Variants in CST8 observed in about 807,000 individuals in gnomAD.
CST8 encodes the protein cystatin-8.
In CST8, 20 loss-of-function variants were observed where a neutral mutation model predicts 11.8. The observed-to-expected ratio is 1.70, with a 90% CI of 1.20 to 2.47. CST8 has a LOEUF of 2.47. Ranked by LOEUF, CST8 falls within the 30% of genes most tolerant of loss-of-function variation. The probability of loss-of-function intolerance (pLI) is 0.00; values close to 1 mark genes in which losing one functional copy is unlikely to be tolerated. For synonymous variants in CST8, 77 were observed against 63.1 expected (o/e 1.22, Z -1.05); for missense variants, 196 against 167.2 (o/e 1.17, Z -0.95).
chr20:23,503,882 C>A, the CST8 span, among the ~76,000 whole-genome samples: 1 of 152,100 alleles, frequency 6.6e-6, no homozygotes, highest in South Asian at 2.1e-4. Flanking sequence ...TCATGGCGGG[C>A]GGGTCAAGGA....
chr20:23,492,047 A>G, intron 2 of CST8, 149 bp downstream of exon 2: 1 of 644,268 alleles, frequency 1.6e-6, no homozygotes, highest in Admixed American at 2.7e-5. Flanking sequence ...CACAGCATCA[A>G]TAAGGCAGTG....
the CST8 span, among the ~76,000 whole-genome samples, chr20:23,501,490 C>G: frequency 1.1e-4 from 17 of 152,248 alleles, no homozygotes; most frequent in African/African-American, 3.9e-4. Context: ...GGCACGCCTC[C>G]TCAGACACCT....
rs1366569151 is a variant in CST8 at position 23,495,969 on chromosome 20, A to C, written c.*55A>C. The C allele has an allele frequency of 5.1e-6, 7 of 1,363,566 alleles. No homozygotes were observed. The East Asian group carries it at 1.6e-4, about 32-fold the overall frequency. 84.5% of individuals were successfully genotyped at this position (1,363,566 alleles called of 1,614,324 possible). A position where few individuals can be genotyped will look rare whatever the true frequency, so the allele number is the denominator to read the frequency against. On this transcript the variant is annotated 3_prime_UTR_variant, in exon 4 of 4. Transcript: ENST00000246012. The stretch of plus-strand genomic sequence containing the variant: ...GTGACTACTTTATCCATGAAAATGA[A>C]GCAATGGCAGGTGGGAGGCTCTTCC...
chr20:23,491,735 A>G lies in CST8; in HGVS notation c.68A>G (p.Asp23Gly). 1 of 1,614,026 alleles carries G rather than the reference A, an allele frequency of 6.2e-7. No individual in the cohort carries two copies. The highest frequency in any genetic ancestry group is 1.1e-5 in the South Asian group (1 of 91,084). The change falls in exon 2 of 4, where the codon GAC becomes GGC. Residue 23 changes from aspartate (D) to glycine (G), a missense_variant. By Grantham distance (94) the Asp-to-Gly change is moderately conservative. Coordinates refer to ENST00000246012, the MANE Select transcript of CST8 (RefSeq NM_005492.4). ...CCCCTGGCCCTGGTGGCCAGGAAAG[A>G]CCCAAAAAAGAATGAGACAGGGGTG... ...TIPLALVARK[D>G]PKKNETGVLR... is the part of the protein sequence containing the mutation.
At position 23,495,949 on chromosome 20, in the gene CST8, T is replaced by G. The variant is rs772815329; in HGVS notation, c.*35T>G. On this transcript the variant is annotated 3_prime_UTR_variant, in exon 4 of 4. Coordinates refer to ENST00000246012, the MANE Select transcript of CST8 (RefSeq NM_005492.4). ...GAGGCATCCCTCCAACCTCTGTGAC[T>G]ACTTTATCCATGAAAATGAAGCAAT... The G allele has an allele frequency of 6.7e-7, 1 of 1,499,596 alleles. No homozygotes were observed. The highest frequency in any genetic ancestry group is 1.2e-5 in the South Asian group (1 of 82,328). The allele number at this position is 1,499,596 out of a possible 1,614,324, so 92.9% of individuals were successfully genotyped here.
chr20:23,499,259 T>A (rs544445352), downstream of CST8, among the ~76,000 whole-genome samples: 1 of 152,172 alleles, frequency 6.6e-6, no homozygotes, highest in Non-Finnish European at 1.5e-5. Flanking sequence ...TATTAAAATT[T>A]TATTTAATTT....
At chr20:23,497,990 T>C (rs769449658), downstream of CST8, among the ~76,000 whole-genome samples, 1 of 150,762 alleles carries the variant, frequency 6.6e-6, no homozygotes, top group Admixed American at 6.6e-5. Context: ...TGTGTGCATG[T>C]GTGTGTGTGT....
the CST8 span, among the ~76,000 whole-genome samples, chr20:23,505,434 G>T: frequency 6.6e-6 from 1 of 151,676 alleles, no homozygotes; most frequent in Non-Finnish European, 1.5e-5. Context: ...GTGAGCCACC[G>T]CGCCCAGCCA....
At chr20:23,499,681 C>A (rs1988136644), downstream of CST8, among the ~76,000 whole-genome samples, 1 of 152,176 alleles carries the variant, frequency 6.6e-6, no homozygotes, top group South Asian at 2.1e-4. Flanking sequence ...TTGCCCTCTA[C>A]CTTGCTGTCC....
downstream of CST8, among the ~76,000 whole-genome samples, chr20:23,497,284 G>A (rs945920738): frequency 3.3e-5 from 5 of 152,322 alleles, no homozygotes; most frequent in East Asian, 1.9e-4. Context: ...CGGTCCCTCT[G>A]TTCGGGGTTC....
At chr20:23,505,139 C>CTTTTTTTTTTTT in the CST8 span, among the ~76,000 whole-genome samples, 1 of 82,030 alleles carries the variant, frequency 1.2e-5, no homozygotes, top group African/African-American at 5.0e-5. Flanking sequence ...AAGAAGCATT[C>CTTTTTTTTTTTT]TTTTTTTTTT....
chr20:23,499,084 T>C (rs1417566112), downstream of CST8, among the ~76,000 whole-genome samples: 1 of 152,154 alleles, frequency 6.6e-6, no homozygotes, highest in East Asian at 1.9e-4. Context: ...GACTCAGATG[T>C]CGGGAGAAGA....
chr20:23,498,695 C>T (rs962508819), downstream of CST8, among the ~76,000 whole-genome samples: 47 of 152,214 alleles, frequency 3.1e-4, no homozygotes, highest in Non-Finnish European at 8.8e-5. Flanking sequence ...TCTGCTGAGG[C>T]CCCACTCTGC....
At chr20:23,493,786 C>T (rs1167837009) in intron 3 of CST8, among the ~76,000 whole-genome samples, 5 of 152,218 alleles carry the variant, frequency 3.3e-5, no homozygotes, top group Non-Finnish European at 4.4e-5. Context: ...ACAGGTGCAT[C>T]ACTGTCCCTG....
the CST8 span, among the ~76,000 whole-genome samples, chr20:23,501,769 T>C: frequency 6.6e-6 from 1 of 152,232 alleles, no homozygotes; most frequent in Non-Finnish European, 1.5e-5. Context: ...CGTGAACTTA[T>C]GATGCCTGAA....
the CST8 span, among the ~76,000 whole-genome samples, chr20:23,505,868 G>T: frequency 0.014 from 2,088 of 152,252 alleles, 31 homozygotes; most frequent in African/African-American, 0.046. Flanking sequence ...AGCTTGAGAA[G>T]AACTGCCCTC....
chr20:23,492,796 G>A (rs577419755), intron 2 of CST8, among the ~76,000 whole-genome samples, 162 bp from the exon 3 acceptor site: 2 of 152,262 alleles, frequency 1.3e-5, no homozygotes, highest in Middle Eastern at 3.4e-3. Context: ...TGTACACAGG[G>A]CTCCAGGCAG....
intron 3 of CST8, among the ~76,000 whole-genome samples, chr20:23,493,897 A>G (rs1987965648): frequency 6.6e-6 from 1 of 152,330 alleles, no homozygotes; most frequent in African/African-American, 2.4e-5. Flanking sequence ...TTTCCAATTC[A>G]GGAAATGGGA....
chr20:23,500,638 A>G (rs942870700), downstream of CST8, among the ~76,000 whole-genome samples: 2 of 152,096 alleles, frequency 1.3e-5, no homozygotes, highest in Non-Finnish European at 2.9e-5. Context: ...CAAAAATGTC[A>G]GGGACAGACA....
Sources: gnomAD v4.1 joint callset for allele counts (sites outside exome capture counted in the v4.1 genomes callset) on GRCh38, gnomAD v4.1.1 for gene constraint, MANE v1.5 for transcripts, NCBI Gene and HGNC (gene_info 2026-07-23, HGNC 2026-07-21) for gene names.